Variants in CORO1B observed in about 807,000 individuals in gnomAD.
CORO1B encodes coronin-1B.
A neutral mutation model predicts 51.1 loss-of-function variants in CORO1B; 30 were observed. The ratio of observed to expected loss-of-function variants is 0.59; its 90% CI spans 0.44 to 0.80. CORO1B has a LOEUF of 0.80. Among genes scored for constraint, CORO1B ranks in the 30% least tolerant of loss-of-function variants. CORO1B has a pLI of 0.00. For missense variants in CORO1B, 648 were observed against 700.4 expected, an observed-to-expected ratio of 0.93 and a Z score of 0.84; for synonymous variants, 310 against 289.7, an observed-to-expected ratio of 1.07 and a Z score of -0.71.
At position 67,435,865 on chromosome 11, in the gene CORO1B, G is replaced by A. The variant is rs1484218980; in HGVS notation, c.*2511C>T. 2 of 1,610,794 alleles carry A rather than the reference G, an allele frequency of 1.2e-6. No individual in the cohort carries two copies. Among genetic ancestry groups the A allele is most frequent in the Non-Finnish European group, 8.5e-7 (1 of 1,179,490 alleles). ...TGCCCCCTGCGCTCGCTGGTCCTGG[G>A]GAGCCGAGGACCAGGTCGCCCTCCG... On this transcript the variant is annotated 3_prime_UTR_variant, in exon 11 of 11. Coordinates refer to ENST00000341356, the MANE Select transcript of CORO1B (RefSeq NM_020441.3).
rs1350754854 is a variant in CORO1B at position 67,442,591 on chromosome 11, C to G, written c.38G>C (p.Arg13Pro). The change falls in exon 2 of 11, where the codon CGG (arginine) becomes CCG (proline). Residue 13 changes from arginine (R) to proline (P), a missense_variant. Physicochemically the swap from Arg to Pro is moderately radical, Grantham distance 103 (BLOSUM62 -2). Coordinates refer to ENST00000341356, the MANE Select transcript of CORO1B (RefSeq NM_020441.3). ...CTTGACCGGCTGCCCGAACACATGC[C>G]GGAATTTGCTCTGCCGGACCACTTT... The part of the protein sequence containing the change: ...FRKVVRQSKF[R>P]HVFGQPVKND... The G allele has an allele frequency of 6.2e-7, 1 of 1,613,730 alleles. No homozygotes were observed.
chr11:67,441,493 A>G lies in CORO1B; in HGVS notation c.476T>C (p.Ile159Thr), dbSNP rs768728630. 1 of 1,613,434 alleles carries G rather than the reference A, an allele frequency of 6.2e-7. No individual in the cohort carries two copies. The highest frequency in any genetic ancestry group is 8.5e-7 in the Non-Finnish European group (1 of 1,179,862). Reference sequence around the variant, plus strand: ...CTCCTCCGCTGTGCCCACATTCCAGATGAGTACCACGTTGTCGCAGCCTGG... The same window carrying G: ...CTCCTCCGCTGTGCCCACATTCCAGGTGAGTACCACGTTGTCGCAGCCTGG... ...LSAGCDNVVL[I>T]WNVGTAEELY... Residue 159 changes from isoleucine to threonine, a missense_variant, in exon 5 of 11, where the codon ATC (isoleucine) becomes ACC (threonine). Transcript: ENST00000341356.
rs984767967 is a variant in CORO1B at position 67,435,568 on chromosome 11, C to T, written c.*2808G>A. ...CCTGATGCCTGTGGTTGGGGGGGGCCGTTCCCGTGGTGAGCGGGGTACACA... is the reference window on the plus strand; with the variant it reads ...CCTGATGCCTGTGGTTGGGGGGGGCTGTTCCCGTGGTGAGCGGGGTACACA... On this transcript the variant is annotated 3_prime_UTR_variant, in exon 11 of 11. Transcript: ENST00000341356. 4.7e-6 allele frequency: 5 copies of T among 1,064,832 alleles called. No individual in the cohort carries two copies. Among genetic ancestry groups the T allele is most frequent in the African/African-American group, 3.2e-5 (2 of 62,394 alleles). The allele number at this position is 1,064,832 out of a possible 1,614,324, so 66.0% of individuals were successfully genotyped here.
upstream of CORO1B, chr11:67,443,545 C>T (rs1228503799): frequency 2.5e-6 from 2 of 788,686 alleles, no homozygotes; most frequent in Non-Finnish European, 3.1e-6. Context: ...GGGGGCGGGG[C>T]CGAGGTCACG....
Position 67,436,647 on chromosome 11 carries a change from C to T in CORO1B, c.*1729G>A, listed in dbSNP as rs1174019541. The T allele has an allele frequency of 3.0e-6, 1 of 335,098 alleles. No homozygotes were observed. The highest frequency in any genetic ancestry group is 5.4e-6 in the Non-Finnish European group (1 of 183,890). 20.8% of individuals were successfully genotyped at this position (335,098 alleles called of 1,614,324 possible). On this transcript the variant is annotated 3_prime_UTR_variant, in exon 11 of 11. Coordinates refer to ENST00000341356, the MANE Select transcript of CORO1B (RefSeq NM_020441.3). ...CCCGGAAAGCTCCACCTCCTCCCAT[C>T]CTCCCCTCCCCCGGGCTGCATGGCC...
chr11:67,442,397 C>G, intron 2 of CORO1B, 31 bp downstream of exon 2: 2 of 1,606,936 alleles, frequency 1.2e-6, no homozygotes, highest in Non-Finnish European at 1.7e-6. Flanking sequence ...GCCGAGGTGC[C>G]TCCTCTTCCC....
chr11:67,435,799 G>T lies in CORO1B; in HGVS notation c.*2577C>A. 6.3e-7 allele frequency: 1 copy of T among 1,593,742 alleles called. No individual in the cohort carries two copies. On this transcript the variant is annotated 3_prime_UTR_variant, in exon 11 of 11. Coordinates refer to ENST00000341356, the MANE Select transcript of CORO1B (RefSeq NM_020441.3). ...TGGCGCTGTCATCCCAGGCTGCGCT[G>T]CCAGCAAAGGCGTGCAGGTCACTCA...
rs1864341766 is a variant in CORO1B at position 67,438,824 on chromosome 11, C to T, written c.1191G>A (p.Val397=). Residue 397 remains valine (V), a synonymous_variant, in exon 10 of 11, where the codon GTG becomes GTA. Coordinates refer to ENST00000341356, the MANE Select transcript of CORO1B (RefSeq NM_020441.3). The part of the protein sequence containing the change: ...PILISLREAY[V]PSKQRDLKIS... ...TCTTCAGGTCCCGCTGCTTGCTGGGCACGTAGGCCTCCCGCAGTGAGATGA... is the reference window on the plus strand; with the variant it reads ...TCTTCAGGTCCCGCTGCTTGCTGGGTACGTAGGCCTCCCGCAGTGAGATGA... 1 of 1,608,740 alleles carries T rather than the reference C, an allele frequency of 6.2e-7. No homozygotes were observed.
At chr11:67,439,951 G>A in intron 8 of CORO1B, 108 bp from the exon 9 acceptor site, 1 of 1,431,438 alleles carries the variant, frequency 7.0e-7, no homozygotes, top group Non-Finnish European at 9.4e-7. Context: ...GACCTCCGCA[G>A]GCCGACCCCT....
upstream of CORO1B, chr11:67,443,566 C>T (rs1864439001): frequency 4.2e-6 from 3 of 720,010 alleles, no homozygotes; most frequent in South Asian, 1.2e-4. Flanking sequence ...CGCGGAGGGG[C>T]TGGGCGGGAG....
chr11:67,440,953 G>A, intron 6 of CORO1B, 172 bp downstream of exon 6: 1 of 886,978 alleles, frequency 1.1e-6, no homozygotes, highest in Non-Finnish European at 1.7e-6. Context: ...TGGTGGGGCA[G>A]TCGGGCGAGC....
intron 9 of CORO1B, 36 bp from the exon 10 acceptor site, chr11:67,438,985 G>A (rs1864345833): frequency 6.4e-7 from 1 of 1,569,132 alleles, no homozygotes; most frequent in African/African-American, 1.3e-5. Flanking sequence ...GATCAGTTAG[G>A]AGGCCCCATC....
chr11:67,440,582 C>T (rs1769021821), intron 6 of CORO1B, 143 bp from the exon 7 acceptor site: 2 of 780,814 alleles, frequency 2.6e-6, no homozygotes, highest in Non-Finnish European at 4.4e-6. Context: ...TATGCCTTTT[C>T]CCACATGACG....
In CORO1B at chr11:67,439,845, T is replaced by C; in HGVS notation, c.1008-2A>G. On this transcript the variant is annotated splice_acceptor_variant, in intron 8 of 10. Transcript: ENST00000341356. LOFTEE classifies it high-confidence loss of function. ...TTGCGCTCATGCAGTTTGTAGAACC[T>C]GGGGATGCAAGGAGGAGCCACGGGT... is the stretch of plus-strand genomic sequence containing the variant. 3 of 1,576,436 alleles carry C rather than the reference T, an allele frequency of 1.9e-6. No individual in the cohort carries two copies. The highest frequency in any genetic ancestry group is 2.6e-6 in the Non-Finnish European group (3 of 1,161,154).
chr11:67,442,525 G>C lies in CORO1B; in HGVS notation c.104C>G (p.Thr35Ser). 6.2e-7 allele frequency: 1 copy of C among 1,613,736 alleles called. No homozygotes were observed. ...CYEDIRVSRV[T>S]WDSTFCAVNP... is the part of the protein sequence containing the mutation. ...GACGGCGCAGAAGGTGCTGTCCCAGGTAACACGGGACACGCGAATGTCCTC... is the reference window on the plus strand; with the variant it reads ...GACGGCGCAGAAGGTGCTGTCCCAGCTAACACGGGACACGCGAATGTCCTC... The change falls in exon 2 of 11, where the codon ACC becomes AGC. Residue 35 changes from threonine (T) to serine (S), a missense_variant. Thr to Ser is a moderately conservative substitution (Grantham distance 58). Transcript: ENST00000341356.
At chr11:67,440,600 C>T (rs922647520) in intron 6 of CORO1B, 161 bp from the exon 7 acceptor site, 8 of 719,688 alleles carry the variant, frequency 1.1e-5, no homozygotes, top group African/African-American at 7.0e-5. Flanking sequence ...ACGACCCCCA[C>T]CTGGCCCTCC....
rs746898724 is a variant in CORO1B, at chr11:67,436,041, C to T, written c.*2335G>A. 6.2e-7 allele frequency: 1 copy of T among 1,613,568 alleles called. No homozygotes were observed. Among genetic ancestry groups the T allele is most frequent in the South Asian group, 1.1e-5 (1 of 91,062 alleles). On this transcript the variant is annotated 3_prime_UTR_variant, in exon 11 of 11. Transcript: ENST00000341356. ...GTGTCCTGCTCATCCTCCTGTCGCT[C>T]AAGGTCATTGTCTGTGGACCCCAGC...
Position 67,435,943 on chromosome 11 carries a change from C to T in CORO1B, c.*2433G>A, listed in dbSNP as rs537705236. The T allele has an allele frequency of 1.1e-5, 18 of 1,613,466 alleles. 1 individual carries two copies. The highest frequency in any genetic ancestry group is 1.1e-4 in the South Asian group (10 of 91,068). ...GCACGGGGACCTGCTCTGGGCTGGA[C>T]GCCTCTCCACATTGCTGCTCGCCTT... On this transcript the variant is annotated 3_prime_UTR_variant, in exon 11 of 11. Transcript: ENST00000341356.
In CORO1B at chr11:67,437,649, C is replaced by G; in HGVS notation, c.*727G>C. The G allele has an allele frequency of 7.3e-7, 1 of 1,362,846 alleles. No individual in the cohort carries two copies. 84.4% of individuals were successfully genotyped at this position (1,362,846 alleles called of 1,614,324 possible). ...CCGCAGGCCCCTCCGTGCCGGGCAC[C>G]CACCTCCAGCTCTGGCTGTGTCGAG... On this transcript the variant is annotated 3_prime_UTR_variant, in exon 11 of 11. Coordinates refer to ENST00000341356, the MANE Select transcript of CORO1B (RefSeq NM_020441.3).
Sources: allele counts gnomAD v4.1 joint callset, GRCh38; gene constraint gnomAD v4.1.1; transcripts MANE v1.5; gene names NCBI Gene and HGNC (gene_info 2026-07-23, HGNC 2026-07-21).